Variants in PTK2B observed in about 807,000 individuals in gnomAD.
PTK2B encodes protein tyrosine kinase 2 beta, also known as protein-tyrosine kinase 2-beta.
PTK2B carries 71 observed loss-of-function variants against 142.9 expected under a neutral mutation model. That is an observed-to-expected ratio of 0.50 (90% confidence interval 0.41 to 0.61). PTK2B has a LOEUF of 0.61. PTK2B is among the 20% of genes least tolerant of loss of function. The pLI is 0.00. For synonymous variants in PTK2B, 519 were observed against 503.4 expected (o/e 1.03, Z -0.42); for missense variants, 1,105 against 1,320.4 (o/e 0.84, Z 2.53).
chr8:27,342,857 C>T (rs1164120777), intron 1 of PTK2B, among the ~76,000 whole-genome samples: 1 of 152,192 alleles, frequency 6.6e-6, no homozygotes, highest in Non-Finnish European at 1.5e-5. Flanking sequence ...TGTATTCCAT[C>T]CATATCTGCT....
chr8:27,390,927 C>T (rs564564384), intron 1 of PTK2B, among the ~76,000 whole-genome samples: 51 of 152,264 alleles, frequency 3.3e-4, no homozygotes, highest in African/African-American at 6.5e-4. Flanking sequence ...GTCACACTCA[C>T]GTAATGGCCC....
chr8:27,423,265 T>A (rs1202163405), intron 5 of PTK2B, among the ~76,000 whole-genome samples: 1 of 152,224 alleles, frequency 6.6e-6, no homozygotes, highest in African/African-American at 2.4e-5. Context: ...GGCTGACCTG[T>A]GTTCTAGCCC....
chr8:27,403,878 T>C (rs1189909672), intron 2 of PTK2B, among the ~76,000 whole-genome samples: 2 of 151,744 alleles, frequency 1.3e-5, no homozygotes, highest in Non-Finnish European at 2.9e-5. Context: ...TTCTCCCTTC[T>C]TTCTTCCTTT....
chr8:27,377,138 A>T (rs575326023), intron 1 of PTK2B, among the ~76,000 whole-genome samples: 1 of 152,202 alleles, frequency 6.6e-6, no homozygotes, highest in Non-Finnish European at 1.5e-5. Flanking sequence ...CTCCTTTAAC[A>T]TATCCTAGGA....
chr8:27,451,580 C>T (rs552646747), intron 27 of PTK2B, 71 bp downstream of exon 27: 9 of 1,611,098 alleles, frequency 5.6e-6, no homozygotes, highest in Middle Eastern at 1.6e-4. Flanking sequence ...CCTTGCCCAC[C>T]GCCCAGGGCA....
chr8:27,340,590 C>T (rs1234106670), intron 1 of PTK2B, among the ~76,000 whole-genome samples: 2 of 152,208 alleles, frequency 1.3e-5, no homozygotes, highest in Non-Finnish European at 2.9e-5. Flanking sequence ...TAGGCAGTTG[C>T]AAGAATTTTT....
intron 1 of PTK2B, among the ~76,000 whole-genome samples, chr8:27,351,293 A>G (rs1586140019): frequency 6.6e-6 from 1 of 151,876 alleles, no homozygotes; most frequent in African/African-American, 2.4e-5. Context: ...TCATGGAATC[A>G]AAGAATATTA....
At chr8:27,430,009 G>A (rs1810307547) in intron 5 of PTK2B, 84 bp from the exon 6 acceptor site, 1 of 1,235,732 alleles carries the variant, frequency 8.1e-7, no homozygotes, top group South Asian at 1.2e-5. Context: ...AGGGGAAGGG[G>A]GCTTCTGGTG....
chr8:27,457,352 C>T (rs996877016), intron 30 of PTK2B, among the ~76,000 whole-genome samples: 1 of 152,214 alleles, frequency 6.6e-6, no homozygotes, highest in African/African-American at 2.4e-5. Flanking sequence ...TATTACTACT[C>T]ATTGACAGTG....
chr8:27,405,981 A>G lies in PTK2B; in HGVS notation c.204+8193A>G, dbSNP rs534529799. 6.8e-4 allele frequency among the ~76,000 whole-genome samples: 104 copies of G among 152,358 alleles called. No homozygotes were observed. The Middle Eastern group carries it at 0.01, about 15-fold the overall frequency. On this transcript the variant is annotated intron_variant, in intron 2 of 30. Coordinates refer to ENST00000346049, the MANE Select transcript of PTK2B (RefSeq NM_173176.3). ...CAAATTATCACAAACCTGGTGGCTTACAATAGAAATGATTCTCTCACATTT... is the reference window on the plus strand; with the variant it reads ...CAAATTATCACAAACCTGGTGGCTTGCAATAGAAATGATTCTCTCACATTT...
At chr8:27,405,691 T>C (rs1160830235) in intron 2 of PTK2B, among the ~76,000 whole-genome samples, 1 of 152,230 alleles carries the variant, frequency 6.6e-6, no homozygotes, top group Non-Finnish European at 1.5e-5. Context: ...CGGGCCTTTG[T>C]GGATCTCCAC....
intron 2 of PTK2B, among the ~76,000 whole-genome samples, chr8:27,414,955 T>C (rs1809309775): frequency 6.6e-6 from 1 of 152,016 alleles, no homozygotes; most frequent in African/African-American, 2.4e-5. Flanking sequence ...GATAGAAAGG[T>C]AGAGAAAGAG....
chr8:27,445,821 C>T lies in PTK2B; in HGVS notation c.2242C>T (p.Pro748Ser), dbSNP rs1233395600. Residue 748 changes from proline (P) to serine (S), a missense_variant, in exon 24 of 31, where the codon CCT becomes TCT. Pro to Ser is a moderately conservative substitution (Grantham distance 74, BLOSUM62 -1). Transcript: ENST00000346049. ...TCCTGAGGGTCTGTGTGCCAGCTCT[C>T]CTACGCTCACCAGCCCTATGGAGTA... ...QVPEGLCASS[P>S]TLTSPMEYPS... 1 of 1,613,934 alleles carries T rather than the reference C, an allele frequency of 6.2e-7. No individual in the cohort carries two copies. The highest frequency in any genetic ancestry group is 8.5e-7 in the Non-Finnish European group (1 of 1,180,050).
upstream of PTK2B, chr8:27,323,302 TG>T (rs1427347325): frequency 2.0e-5 from 3 of 152,230 alleles, no homozygotes; most frequent in Non-Finnish European, 4.4e-5. Flanking sequence ...AAGAGCAATA[TG>T]AGCCAGGGTT....
intron 2 of PTK2B, among the ~76,000 whole-genome samples, chr8:27,417,222 G>T (rs1393691704): frequency 6.6e-6 from 1 of 152,186 alleles, no homozygotes; most frequent in Admixed American, 6.5e-5. Flanking sequence ...AACATATTGT[G>T]ATTCATTTAC....
intron 24 of PTK2B, 32 bp downstream of exon 24, chr8:27,445,951 G>A (rs372546517): frequency 3.0e-5 from 48 of 1,610,528 alleles, no homozygotes; most frequent in Middle Eastern, 3.3e-4. Context: ...GTCCCTGCCC[G>A]GACTGAGGAG....
intron 2 of PTK2B, among the ~76,000 whole-genome samples, chr8:27,415,059 T>C (rs1056188504): frequency 2.0e-5 from 3 of 152,202 alleles, no homozygotes; most frequent in Non-Finnish European, 2.9e-5. Flanking sequence ...GGCTAATATT[T>C]TGTTGTTTGG....
intron 2 of PTK2B, among the ~76,000 whole-genome samples, chr8:27,399,150 A>G (rs1289012077): frequency 6.6e-6 from 1 of 152,192 alleles, no homozygotes; most frequent in African/African-American, 2.4e-5. Context: ...TTACTAGTTT[A>G]ATTTTCAGAA....
At chr8:27,431,038 C>T (rs751563485) in intron 8 of PTK2B, 22 bp downstream of exon 8, 11 of 1,603,478 alleles carry the variant, frequency 6.9e-6, no homozygotes, top group Non-Finnish European at 9.4e-6. Context: ...CTCTCTTGAT[C>T]CTCTCCCTGA....
Sources: gnomAD v4.1 joint callset for allele counts (sites outside exome capture counted in the v4.1 genomes callset) on GRCh38, gnomAD v4.1.1 for gene constraint, MANE v1.5 for transcripts, NCBI Gene and HGNC (gene_info 2026-07-23, HGNC 2026-07-21) for gene names.